Variants in NAALADL2 observed in about 807,000 individuals in gnomAD.
The protein encoded by NAALADL2 is N-acetylated alpha-linked acidic dipeptidase like 2, also known as inactive N-acetylated-alpha-linked acidic dipeptidase-like protein 2.
A neutral mutation model predicts 87.2 loss-of-function variants in NAALADL2; 76 were observed. The ratio of observed to expected loss-of-function variants is 0.87; its 90% confidence interval spans 0.72 to 1.05. NAALADL2 has a LOEUF of 1.05. Among genes scored for constraint, NAALADL2 ranks in the 50% least tolerant of loss-of-function variants. The probability of loss-of-function intolerance (pLI) is 0.00; values close to 1 mark genes in which losing one functional copy is unlikely to be tolerated. For missense variants in NAALADL2, 1,089 were observed against 945.8 expected (o/e 1.15, Z -1.99); for synonymous variants, 354 against 331.0 (o/e 1.07, Z -0.75).
At chr3:175,457,455 T>G (rs76407154) in intron 6 of NAALADL2, among the ~76,000 whole-genome samples, 3,121 of 152,254 alleles carry the variant, frequency 0.02, 110 homozygotes, top group African/African-American at 0.071. Flanking sequence ...CTTTAGCCAC[T>G]AGTATTTGTG....
chr3:174,465,673 T>C (rs1460066212), intron 1 of NAALADL2, among the ~76,000 whole-genome samples: 1 of 152,238 alleles, frequency 6.6e-6, no homozygotes, highest in Non-Finnish European at 1.5e-5. Flanking sequence ...TGTAATGTTA[T>C]GTCCATTTTC....
chr3:175,553,586 A>G (rs1456143159), intron 9 of NAALADL2, among the ~76,000 whole-genome samples: 1 of 151,848 alleles, frequency 6.6e-6, no homozygotes, highest in Non-Finnish European at 1.5e-5. Flanking sequence ...AAAGTTTGAC[A>G]TCATGACATT....
At chr3:174,651,646 A>G (rs1008401566) in intron 2 of NAALADL2, among the ~76,000 whole-genome samples, 1 of 152,186 alleles carries the variant, frequency 6.6e-6, no homozygotes, top group Admixed American at 6.6e-5. Flanking sequence ...TGGTTAATAA[A>G]GGAACAGAGC....
At position 175,013,267 on chromosome 3, in the gene NAALADL2, T is replaced by TTATATA. The variant is rs1451716160; in HGVS notation, c.44-83518_44-83513dup. Among the ~76,000 whole-genome samples, 1,040 of 108,930 alleles carry TTATATA rather than the reference T, an allele frequency of 9.5e-3. 16 individuals are homozygous for TTATATA. The highest frequency in any genetic ancestry group is 0.014 in the Non-Finnish European group (843 of 58,318). 71.5% of individuals were successfully genotyped at this position (108,930 alleles called of 152,430 possible). A position where few individuals can be genotyped will look rare whatever the true frequency, so the allele number is the denominator to read the frequency against. On this transcript the variant is annotated intron_variant, in intron 1 of 13. Transcript: ENST00000454872. ...TAAAATATATAATATACATATATTTTTATATATATACATATATATATATAT... is the reference window on the plus strand; with the variant it reads ...TAAAATATATAATATACATATATTTTTATATATATATATATACATATATATATATAT...
intron 2 of NAALADL2, among the ~76,000 whole-genome samples, chr3:174,571,103 CT>C (rs1260086208): frequency 2.6e-5 from 4 of 152,216 alleles, no homozygotes; most frequent in African/African-American, 7.2e-5. Context: ...GATGCTGGTG[CT>C]GCTAGTCTGT....
Position 174,684,912 on chromosome 3 carries a change from C to G in NAALADL2, c.-114-52729C>G, listed in dbSNP as rs111589281. Among the ~76,000 whole-genome samples the G allele has an allele frequency of 6.2e-3, 944 of 152,174 alleles. 13 individuals are homozygous for G. Among genetic ancestry groups the G allele is most frequent in the African/African-American group, 0.022 (900 of 41,544 alleles). On this transcript the variant is annotated intron_variant, in intron 2 of 3. Coordinates refer to the NAALADL2 transcript ENST00000434257. ...CAAAGACAAGGGTTTTCTTGTCACC[C>G]GGCCACTGTGATAAAGTAGATTTTC...
chr3:174,786,333 C>T (rs979883707), intron 3 of NAALADL2, among the ~76,000 whole-genome samples: 12 of 151,562 alleles, frequency 7.9e-5, no homozygotes, highest in African/African-American at 2.9e-4. Flanking sequence ...CGCTTGTAGT[C>T]CCCGATACTC....
chr3:175,512,492 G>C (rs1203466932), intron 9 of NAALADL2, among the ~76,000 whole-genome samples: 1 of 151,998 alleles, frequency 6.6e-6, no homozygotes, highest in African/African-American at 2.4e-5. Context: ...GATTTTATGA[G>C]GAAAAGCCAA....
intron 1 of NAALADL2, among the ~76,000 whole-genome samples, chr3:174,537,692 G>A (rs1460068614): frequency 1.3e-5 from 2 of 152,162 alleles, no homozygotes; most frequent in Non-Finnish European, 2.9e-5. Flanking sequence ...GGAGTGATAT[G>A]GCAGTAGAAT....
chr3:175,303,985 G>T (rs6443302), intron 4 of NAALADL2, among the ~76,000 whole-genome samples: 1 of 151,756 alleles, frequency 6.6e-6, no homozygotes, highest in Non-Finnish European at 1.5e-5. Flanking sequence ...GTGTGAAGGG[G>T]GTGGATAGTT....
At chr3:174,557,062 A>G (rs1712919253) in intron 2 of NAALADL2, among the ~76,000 whole-genome samples, 1 of 152,210 alleles carries the variant, frequency 6.6e-6, no homozygotes, top group African/African-American at 2.4e-5. Flanking sequence ...TTACAGAAAT[A>G]TATTTTTATT....
chr3:174,762,823 TA>T (rs910728615), intron 3 of NAALADL2, among the ~76,000 whole-genome samples: 18 of 151,534 alleles, frequency 1.2e-4, no homozygotes, highest in Middle Eastern at 3.4e-3. Flanking sequence ...GTGCCAATAA[TA>T]AAAAAAAATC....
At chr3:174,947,045 C>G (rs1214592999) in intron 1 of NAALADL2, among the ~76,000 whole-genome samples, 1 of 152,086 alleles carries the variant, frequency 6.6e-6, no homozygotes, top group African/African-American at 2.4e-5. Context: ...CAGCTCAAAG[C>G]CATATAAAAT....
At chr3:174,539,284 G>A (rs6800681) in intron 1 of NAALADL2, among the ~76,000 whole-genome samples, 18,510 of 152,042 alleles carry the variant, frequency 0.12, 1,163 homozygotes, top group Middle Eastern at 0.16. Flanking sequence ...GAGATGAAAT[G>A]ATAGCTATCA....
At chr3:174,619,310 G>T (rs1208032850) in intron 2 of NAALADL2, among the ~76,000 whole-genome samples, 2 of 151,906 alleles carry the variant, frequency 1.3e-5, no homozygotes, top group Non-Finnish European at 2.9e-5. Flanking sequence ...AGCACCATGG[G>T]TTTTCTTGAC....
chr3:175,036,248 T>G (rs1753388474), intron 1 of NAALADL2, among the ~76,000 whole-genome samples: 1 of 152,132 alleles, frequency 6.6e-6, no homozygotes, highest in South Asian at 2.1e-4. Flanking sequence ...TTCTGTATAT[T>G]TATATCTTTT....
At chr3:175,046,115 A>C (rs1754637348) in intron 1 of NAALADL2, among the ~76,000 whole-genome samples, 1 of 152,046 alleles carries the variant, frequency 6.6e-6, no homozygotes, top group Non-Finnish European at 1.5e-5. Flanking sequence ...GGAAGTGGAA[A>C]AGTACAATGT....
rs546893420 is a variant in NAALADL2, at chr3:175,523,173, G to A, written c.1653+51415G>A. The stretch of plus-strand genomic sequence containing the variant: ...ATAGTTATCAAATAGGGGTGATGTT[G>A]CCGCCTGGAAACATTTGGCGATTTT... On this transcript the variant is annotated intron_variant, in intron 9 of 13. Coordinates refer to ENST00000454872, the MANE Select transcript of NAALADL2 (RefSeq NM_207015.3). Among the ~76,000 whole-genome samples the A allele has an allele frequency of 6.6e-5, 10 of 152,286 alleles. No individual in the cohort carries two copies. The East Asian group carries it at 1.9e-3, about 29-fold the overall frequency.
intron 1 of NAALADL2, among the ~76,000 whole-genome samples, chr3:175,019,170 G>A (rs964563971): frequency 6.6e-6 from 1 of 151,910 alleles, no homozygotes; most frequent in Non-Finnish European, 1.5e-5. Flanking sequence ...GGACTATGCT[G>A]CTGTTTCTGG....
Sources: allele counts gnomAD v4.1 joint callset (sites outside exome capture counted in the v4.1 genomes callset), GRCh38; gene constraint gnomAD v4.1.1; transcripts MANE v1.5; gene names NCBI Gene and HGNC (gene_info 2026-07-23, HGNC 2026-07-21).